Variants in TOGARAM2 observed in about 807,000 individuals in gnomAD.
TOGARAM2 encodes the protein TOG array regulator of axonemal microtubules protein 2.
Under a neutral mutation model 93.3 loss-of-function variants are expected in TOGARAM2, and 85 were observed. The ratio of observed to expected loss-of-function variants is 0.91; its 90% CI spans 0.76 to 1.09. The LOEUF is 1.09. Among genes scored for constraint, TOGARAM2 ranks in the 50% least tolerant of loss-of-function variants. The pLI is 0.00. For synonymous variants in TOGARAM2, 593 were observed against 552.8 expected, an observed-to-expected ratio of 1.07 and a Z score of -1.02; for missense variants, 1,277 against 1,334.5, an observed-to-expected ratio of 0.96 and a Z score of 0.67.
At chr2:28,990,515 C>T (rs759864090) in intron 1 of TOGARAM2, among the ~76,000 whole-genome samples, 12 of 152,224 alleles carry the variant, frequency 7.9e-5, no homozygotes, top group Non-Finnish European at 1.5e-4. Context: ...GACTCACAGG[C>T]GCATCTCCTC....
chr2:28,982,500 C>T (rs948103343), intron 1 of TOGARAM2, among the ~76,000 whole-genome samples: 1 of 152,160 alleles, frequency 6.6e-6, no homozygotes, highest in East Asian at 1.9e-4. Context: ...TCACCAATGC[C>T]CTGCAGGAGA....
At chr2:28,981,909 G>A (rs4292052) in intron 1 of TOGARAM2, among the ~76,000 whole-genome samples, 10,138 of 152,260 alleles carry the variant, frequency 0.067, 567 homozygotes, top group South Asian at 0.21. Flanking sequence ...GGTGCTGTGG[G>A]CGATGGTGCC....
At chr2:29,046,238 T>G (rs921311200) in intron 19 of TOGARAM2, 12 of 152,270 alleles carry the variant, frequency 7.9e-5, no homozygotes, top group African/African-American at 2.7e-4. Flanking sequence ...GTGACTTCAT[T>G]CCAGGGCTGA....
intron 1 of TOGARAM2, among the ~76,000 whole-genome samples, chr2:28,973,683 C>T (rs4666155): frequency 0.16 from 24,825 of 151,746 alleles, 2,245 homozygotes; most frequent in East Asian, 0.3. Flanking sequence ...TCACCACATC[C>T]AGCTAATTAA....
At chr2:29,017,601 G>T (rs906978842) in intron 9 of TOGARAM2, among the ~76,000 whole-genome samples, 191 bp from the exon 10 acceptor site, 1 of 152,102 alleles carries the variant, frequency 6.6e-6, no homozygotes, top group African/African-American at 2.4e-5. Context: ...GTAGAGATGG[G>T]CATCTCCCTA....
Position 29,011,731 on chromosome 2 carries a change from G to A in TOGARAM2, c.877+230G>A, listed in dbSNP as rs571658439. ...TATTGACACCTGCTCTGGTACGTCA[G>A]GTGTGATGACGTACACCAGCTTGTG... is the stretch of plus-strand genomic sequence containing the variant. On this transcript the variant is annotated intron_variant, in intron 7 of 19. Transcript: ENST00000379558. Among the ~76,000 whole-genome samples, 5 of 152,346 alleles carry A rather than the reference G, an allele frequency of 3.3e-5. No homozygotes were observed. The South Asian group carries it at 1.0e-3, about 32-fold the overall frequency.
chr2:29,040,144 A>C (rs1025161833), intron 18 of TOGARAM2, among the ~76,000 whole-genome samples: 1 of 152,220 alleles, frequency 6.6e-6, no homozygotes, highest in African/African-American at 2.4e-5. Flanking sequence ...AACTGCTTAA[A>C]AATATCTCTT....
chr2:28,956,559 G>A (rs1444495623), upstream of TOGARAM2: 1 of 152,194 alleles, frequency 6.6e-6, no homozygotes, highest in Non-Finnish European at 1.5e-5. This position sits in a 1 kb window ranked among gnomAD's most constrained non-coding sequence, Gnocchi z 4.5. Flanking sequence ...CTGCTGCTGT[G>A]TTACGGCTGC....
chr2:29,001,504 C>CTT (rs56716343), intron 4 of TOGARAM2, among the ~76,000 whole-genome samples: 15 of 140,732 alleles, frequency 1.1e-4, no homozygotes, highest in African/African-American at 3.4e-4. Flanking sequence ...CCCAGCTAAT[C>CTT]TTTTTTTTTT....
chr2:29,015,663 C>T (rs776476785), intron 8 of TOGARAM2, among the ~76,000 whole-genome samples: 1 of 152,192 alleles, frequency 6.6e-6, no homozygotes, highest in African/African-American at 2.4e-5. Context: ...CTTCATCTTC[C>T]CAAATGCAGC....
chr2:28,984,787 T>A (rs550287137), intron 1 of TOGARAM2, among the ~76,000 whole-genome samples: 3 of 152,208 alleles, frequency 2.0e-5, no homozygotes, highest in African/African-American at 7.2e-5. Flanking sequence ...TCAGGCAGGA[T>A]TGATGCGGTG....
At chr2:29,003,417 G>A (rs1473068143) in intron 5 of TOGARAM2, 75 bp from the exon 6 acceptor site, 2 of 1,279,054 alleles carry the variant, frequency 1.6e-6, no homozygotes, top group Non-Finnish European at 2.1e-6. Context: ...CCCACACTGT[G>A]TGAGGTGCCT....
intron 12 of TOGARAM2, 37 bp from the exon 13 acceptor site, chr2:29,024,102 G>T (rs1434498147): frequency 4.6e-6 from 7 of 1,536,796 alleles, no homozygotes; most frequent in East Asian, 2.4e-5. Flanking sequence ...CCTTGGCAGG[G>T]TCCAGCACCC....
intron 19 of TOGARAM2, chr2:29,048,775 G>A (rs1046006309): frequency 6.7e-6 from 1 of 149,026 alleles, no homozygotes; most frequent in African/African-American, 2.5e-5. Context: ...GTCTCCTAGG[G>A]TCAAGCCATT....
In TOGARAM2 at chr2:29,023,077, G is replaced by A. The variant is rs549416828; in HGVS notation, c.1512-9G>A. 3.8e-6 allele frequency: 6 copies of A among 1,580,310 alleles called. No homozygotes were observed. The highest frequency in any genetic ancestry group is 5.2e-6 in the Non-Finnish European group (6 of 1,162,510). ...CCCTTCTGCAACAGGGCCTGGCCTT[G>A]CTTCTCAGGCAGATGAAGGAGAAGG... On this transcript the variant is annotated splice_polypyrimidine_tract_variant and intron_variant, in intron 11 of 19. Transcript: ENST00000379558.
At chr2:29,043,906 C>T (rs150281670) in intron 18 of TOGARAM2, among the ~76,000 whole-genome samples, 268 of 152,322 alleles carry the variant, frequency 1.8e-3, no homozygotes, top group African/African-American at 6.1e-3. Flanking sequence ...GAGGAACAAG[C>T]AGCTTCTAAA....
intron 1 of TOGARAM2, among the ~76,000 whole-genome samples, 198 bp from the exon 2 acceptor site, chr2:28,994,527 A>G (rs1377937808): frequency 1.3e-5 from 2 of 152,036 alleles, no homozygotes; most frequent in Admixed American, 6.5e-5. Context: ...TTCATAACGA[A>G]CTCTTCCCAA....
In TOGARAM2 at chr2:28,986,611, C is replaced by T. The variant is rs577357010; in HGVS notation, c.-111+5073C>T. On this transcript the variant is annotated intron_variant, in intron 1 of 19. Coordinates refer to ENST00000379558, the MANE Select transcript of TOGARAM2 (RefSeq NM_199280.4). The stretch of plus-strand genomic sequence containing the variant: ...GTGTCCCGCCCCAGCCTGCCCACTG[C>T]TTCCTGCTCACCCTGGACAGCTCAG... Among the ~76,000 whole-genome samples the T allele has an allele frequency of 2.0e-5, 3 of 152,340 alleles. No homozygotes were observed. In the South Asian group the frequency reaches 6.2e-4, roughly 32 times the overall value.
At chr2:29,005,063 AGTGCATGTGT>A (rs1215027175) in intron 6 of TOGARAM2, among the ~76,000 whole-genome samples, 1 of 14,910 alleles carries the variant, frequency 6.7e-5, no homozygotes, top group African/African-American at 1.3e-4. Flanking sequence ...TATGTGTGTG[AGTGCATGTGT>A]GTGCATGTGT....
Sources: allele counts gnomAD v4.1 joint callset (sites outside exome capture counted in the v4.1 genomes callset), GRCh38; gene constraint gnomAD v4.1.1; non-coding constraint Gnocchi (gnomAD v3.1); transcripts MANE v1.5; gene names NCBI Gene and HGNC (gene_info 2026-07-23, HGNC 2026-07-21).